MID1: variants seen among roughly 807,000 people sequenced by gnomAD.
MID1 encodes the protein E3 ubiquitin-protein ligase Midline-1.
A neutral mutation model predicts 40.4 loss-of-function variants in MID1; 7 were observed. The ratio of observed to expected loss-of-function variants is 0.17; its 90% CI spans 0.10 to 0.33. The LOEUF is 0.33. Among genes scored for constraint, MID1 ranks in the 10% least tolerant of loss-of-function variants. The pLI is 1.00. For synonymous variants in MID1, 229 were observed against 221.2 expected (o/e 1.04, Z -0.31); for missense variants, 367 against 558.5 (o/e 0.66, Z 3.46).
intron 9 of MID1, among the ~76,000 whole-genome samples, 168 bp from the exon 10 acceptor site, chrX:10,449,884 C>T (rs188193194): frequency 2.0e-4 from 22 of 112,174 alleles, no homozygotes; most frequent in Admixed American, 7.5e-4. Flanking sequence ...TTCCTCATCT[C>T]CTTCCCTCCC....
At chrX:10,740,771 TG>T (rs1429263055) in intron 1 of MID1, among the ~76,000 whole-genome samples, 1 of 111,217 alleles carries the variant, frequency 9.0e-6, no homozygotes. Context: ...TATCAAGGCG[TG>T]GATTCTAACT....
At chrX:10,557,248 T>C (rs1199919304) in intron 2 of MID1, among the ~76,000 whole-genome samples, 1 of 111,841 alleles carries the variant, frequency 8.9e-6, no homozygotes, top group Non-Finnish European at 1.9e-5. Flanking sequence ...GAGGCATCAT[T>C]GCAAAGCCAC....
At chrX:10,729,977 T>G (rs938870059) in intron 1 of MID1, among the ~76,000 whole-genome samples, 6 of 108,089 alleles carry the variant, frequency 5.6e-5, no homozygotes, top group Non-Finnish European at 1.2e-4. Flanking sequence ...CCAGCTACTC[T>G]GGAGGCTGAG....
At chrX:10,735,565 G>A (rs1411114002) in intron 1 of MID1, among the ~76,000 whole-genome samples, 1 of 112,322 alleles carries the variant, frequency 8.9e-6, no homozygotes, top group Non-Finnish European at 1.9e-5. Context: ...GGGAATTTTT[G>A]TTGAATTTTA....
chrX:10,568,459 ATAAGT>A (rs1297089913), intron 1 of MID1, among the ~76,000 whole-genome samples: 1 of 111,671 alleles, frequency 9.0e-6, no homozygotes, highest in Non-Finnish European at 1.9e-5. Context: ...TATTCATGTG[ATAAGT>A]TATGTTATGA....
At chrX:10,459,986 C>A in intron 7 of MID1, 179 bp from the exon 8 acceptor site, 1 of 509,889 alleles carries the variant, frequency 2.0e-6, no homozygotes, top group African/African-American at 2.3e-5. Flanking sequence ...TGCATTTTTG[C>A]CTCCAAAATT....
chrX:10,761,250 C>CAG (rs1380827654), intron 1 of MID1, among the ~76,000 whole-genome samples: 1 of 111,930 alleles, frequency 8.9e-6, no homozygotes, highest in African/African-American at 3.3e-5. Flanking sequence ...TTTACACACA[C>CAG]ACACACACAC....
intron 1 of MID1, among the ~76,000 whole-genome samples, chrX:10,648,273 T>C (rs1227063556): frequency 8.9e-6 from 1 of 112,106 alleles, no homozygotes; most frequent in Non-Finnish European, 1.9e-5. Context: ...GACATCATTA[T>C]GCCAAAGAAG....
At chrX:10,698,731 G>GAAAAAA (rs777771037) in intron 1 of MID1, among the ~76,000 whole-genome samples, 1 of 67,634 alleles carries the variant, frequency 1.5e-5, no homozygotes. Context: ...AGAAGAAAAA[G>GAAAAAA]AAAAAAAAAA....
At chrX:10,510,830 CA>C (rs1185825614) in intron 3 of MID1, among the ~76,000 whole-genome samples, 3,622 of 23,713 alleles carry the variant, frequency 0.15, 28 homozygotes, top group Non-Finnish European at 0.21. Context: ...GACTCTGTCT[CA>C]AAAAAAAAAA....
intron 3 of MID1, among the ~76,000 whole-genome samples, chrX:10,519,732 C>G (rs969172591): frequency 8.9e-6 from 1 of 111,899 alleles, no homozygotes; most frequent in African/African-American, 3.2e-5. Context: ...TGATGAACAG[C>G]TGGAGTAGAT....
chrX:10,820,675 C>G (rs186973529), intron 1 of MID1, among the ~76,000 whole-genome samples: 58 of 111,397 alleles, frequency 5.2e-4, no homozygotes, highest in Non-Finnish European at 9.6e-4. Flanking sequence ...AACCAGGGCA[C>G]TAATGGAGGT....
intron 1 of MID1, among the ~76,000 whole-genome samples, chrX:10,775,480 C>T (rs1291329742): frequency 9.0e-6 from 1 of 111,657 alleles, no homozygotes; most frequent in Non-Finnish European, 1.9e-5. Flanking sequence ...CAGTGGGTAT[C>T]CATGTATTTT....
chrX:10,585,402 A>G (rs1935116991), intron 1 of MID1, among the ~76,000 whole-genome samples: 1 of 111,881 alleles, frequency 8.9e-6, no homozygotes, highest in Non-Finnish European at 1.9e-5. Context: ...TTGTGCTGAT[A>G]CATAACACGA....
intron 1 of MID1, among the ~76,000 whole-genome samples, chrX:10,586,459 C>T (rs955724801): frequency 9.0e-6 from 1 of 111,142 alleles, no homozygotes; most frequent in Non-Finnish European, 1.9e-5. Flanking sequence ...GAGGTTGGGC[C>T]CACTAGAATA....
chrX:10,751,271 AAAAG>A (rs2043596919), intron 1 of MID1, among the ~76,000 whole-genome samples: 2 of 110,377 alleles, frequency 1.8e-5, no homozygotes, highest in African/African-American at 3.3e-5. Flanking sequence ...TCTCAAAAAA[AAAAG>A]AAAGAAAGAA....
chrX:10,783,225 T>A (rs1453111918), intron 1 of MID1, among the ~76,000 whole-genome samples: 1 of 111,626 alleles, frequency 9.0e-6, no homozygotes, highest in Non-Finnish European at 1.9e-5. Context: ...CACAGTGTCA[T>A]CTTGGTGCCG....
intron 8 of MID1, among the ~76,000 whole-genome samples, chrX:10,457,495 A>G (rs1928750800): frequency 8.9e-6 from 1 of 112,386 alleles, no homozygotes; most frequent in South Asian, 3.7e-4. Context: ...TAATATTTGT[A>G]TGGGACACGA....
At chrX:10,810,888 G>A (rs893303249) in intron 1 of MID1, among the ~76,000 whole-genome samples, 3 of 109,770 alleles carry the variant, frequency 2.7e-5, no homozygotes, top group African/African-American at 1.0e-4. Context: ...TTATAATACC[G>A]ACCCTCTCTA....
Sources: allele counts gnomAD v4.1 joint callset (sites outside exome capture counted in the v4.1 genomes callset), GRCh38; gene constraint gnomAD v4.1.1; transcripts MANE v1.5; gene names NCBI Gene and HGNC (gene_info 2026-07-23, HGNC 2026-07-21).